The following DDX50 variants were observed in gnomAD, a reference collection of about 807,000 sequenced individuals.
DDX50 encodes DExD-box helicase 50, also known as ATP-dependent RNA helicase DDX50.
A neutral mutation model predicts 94.8 loss-of-function variants in DDX50; 56 were observed. The observed-to-expected ratio is 0.59, with a 90% CI of 0.48 to 0.74. The LOEUF is 0.74. Ranked by LOEUF, DDX50 falls within the 30% of genes least tolerant of loss-of-function variation. The pLI is 0.00. For missense variants in DDX50, 713 were observed against 881.2 expected, an observed-to-expected ratio of 0.81 and a Z score of 2.42; for synonymous variants, 264 against 295.4, an observed-to-expected ratio of 0.89 and a Z score of 1.09.
intron 8 of DDX50, among the ~76,000 whole-genome samples, chr10:68,931,009 G>T (rs1056387934): frequency 3.3e-5 from 5 of 152,092 alleles, no homozygotes; most frequent in African/African-American, 1.2e-4. Flanking sequence ...TCAGATCTCA[G>T]TCCAAAGCAT....
chr10:68,911,225 TA>T lies in DDX50; in HGVS notation c.625del (p.Ser209AlafsTer19). 1 of 1,598,178 alleles carries T rather than the reference TA, an allele frequency of 6.3e-7. No homozygotes were observed. Among genetic ancestry groups the T allele is most frequent in the Non-Finnish European group, 8.5e-7 (1 of 1,175,430 alleles). On this transcript the variant is annotated frameshift_variant, in exon 4 of 15. Coordinates refer to ENST00000373585, the MANE Select transcript of DDX50 (RefSeq NM_024045.2). LOFTEE classifies it high-confidence loss of function. The stretch of plus-strand genomic sequence containing the variant: ...GACTCCAAAGAAATCAAGAAACAAT[TA>T]AAAAAAGCCGCTCACCAAAGGTAAT... ...ERLQRNQETI[K>X]KSRSPKVLVL...
chr10:68,928,129 A>G (rs1264804885), intron 8 of DDX50, among the ~76,000 whole-genome samples: 1 of 152,176 alleles, frequency 6.6e-6, no homozygotes, highest in Non-Finnish European at 1.5e-5. Flanking sequence ...CAGCATGGAA[A>G]CATAGCAAGA....
At chr10:68,910,272 A>C in intron 2 of DDX50, 35 bp from the exon 3 acceptor site, 2 of 1,496,324 alleles carry the variant, frequency 1.3e-6, no homozygotes, top group South Asian at 1.2e-5. Context: ...AGAGTTGAGT[A>C]TAAATTATTT....
chr10:68,924,580 T>C (rs1324854571), intron 8 of DDX50, among the ~76,000 whole-genome samples: 1 of 152,224 alleles, frequency 6.6e-6, no homozygotes. Context: ...AGAATACTTC[T>C]GGCGTCACAG....
chr10:68,911,208 A>G lies in DDX50; in HGVS notation c.601A>G (p.Arg201Gly). The change falls in exon 4 of 15, where the codon AGA becomes GGA. Residue 201 changes from arginine (R) to glycine (G), a missense_variant. Physicochemically the swap from Arg to Gly is moderately radical, Grantham distance 125. Coordinates refer to ENST00000373585, the MANE Select transcript of DDX50 (RefSeq NM_024045.2). The stretch of plus-strand genomic sequence containing the variant: ...CATCCCCTTAATTGAAAGACTCCAA[A>G]GAAATCAAGAAACAATTAAAAAAAG... Reference protein sequence around the residue: ...FAIPLIERLQRNQETIKKSRS... With the variant: ...FAIPLIERLQGNQETIKKSRS... 6.2e-7 allele frequency: 1 copy of G among 1,605,716 alleles called. No homozygotes were observed. The highest frequency in any genetic ancestry group is 8.5e-7 in the Non-Finnish European group (1 of 1,177,796).
At position 68,915,432 on chromosome 10, in the gene DDX50, A is replaced by G. The variant is rs563166452; in HGVS notation, c.1089+1228A>G. Among the ~76,000 whole-genome samples, 4 of 144,088 alleles carry G rather than the reference A, an allele frequency of 2.8e-5. No individual in the cohort carries two copies. The South Asian group carries it at 8.7e-4, about 31-fold the overall frequency. The allele number at this position is 144,088 out of a possible 152,430, so 94.5% of individuals were successfully genotyped here. On this transcript the variant is annotated intron_variant, in intron 7 of 14. Coordinates refer to ENST00000373585, the MANE Select transcript of DDX50 (RefSeq NM_024045.2). The stretch of plus-strand genomic sequence containing the variant: ...TGTCTCAAAAAAAAATAAAAGAAAA[A>G]AAAGGCTGGGTGCGGTGGCTCACGC...
chr10:68,920,497 C>G (rs1841912615), intron 8 of DDX50, among the ~76,000 whole-genome samples: 1 of 151,808 alleles, frequency 6.6e-6, no homozygotes, highest in Non-Finnish European at 1.5e-5. Flanking sequence ...TTTTTTAAGA[C>G]TTTGAAAATG....
chr10:68,923,143 G>A (rs903663210), intron 8 of DDX50, among the ~76,000 whole-genome samples: 2 of 142,166 alleles, frequency 1.4e-5, no homozygotes, highest in African/African-American at 2.6e-5. Flanking sequence ...TTCTGTTTGT[G>A]TGTGTGTATA....
chr10:68,926,329 T>C (rs184919580), intron 8 of DDX50, among the ~76,000 whole-genome samples: 30 of 151,532 alleles, frequency 2.0e-4, no homozygotes, highest in African/African-American at 7.3e-4. Context: ...AAGCTGTTTT[T>C]TAATCTTGAA....
At chr10:68,929,921 C>T (rs1407665810) in intron 8 of DDX50, among the ~76,000 whole-genome samples, 6 of 150,514 alleles carry the variant, frequency 4.0e-5, no homozygotes, top group African/African-American at 7.3e-5. Context: ...TTAGTGGAGA[C>T]GGGGTTTTGC....
At chr10:68,902,668 CTG>C (rs1423289860) in intron 1 of DDX50, among the ~76,000 whole-genome samples, 5 of 152,156 alleles carry the variant, frequency 3.3e-5, no homozygotes, top group Non-Finnish European at 7.4e-5. Flanking sequence ...TACTTTCGCT[CTG>C]TGAATTTGAC....
At chr10:68,905,411 C>A in intron 1 of DDX50, among the ~76,000 whole-genome samples, 1 of 150,180 alleles carries the variant, frequency 6.7e-6, no homozygotes, top group East Asian at 1.9e-4. Flanking sequence ...AATTGGACTT[C>A]TATATGAATT....
Position 68,941,122 on chromosome 10 carries a change from A to G in DDX50, c.1818A>G (p.Lys606=). ...EEIQDVSCAW[K]ELNRKLSSNA... is the part of the protein sequence containing the mutation. ...TACAGGATGTCAGCTGTGCTTGGAA[A>G]GAACTTAACAGAAAGCTGAGTAGTA... The change falls in exon 13 of 15, where the codon AAA becomes AAG. Residue 606 remains lysine (K), a synonymous_variant. Coordinates refer to ENST00000373585, the MANE Select transcript of DDX50 (RefSeq NM_024045.2). The G allele has an allele frequency of 1.2e-6, 2 of 1,613,088 alleles. No homozygotes were observed. Among genetic ancestry groups the G allele is most frequent in the Non-Finnish European group, 1.7e-6 (2 of 1,179,940 alleles).
chr10:68,938,895 A>G (rs1490955895), intron 12 of DDX50, among the ~76,000 whole-genome samples: 2 of 152,006 alleles, frequency 1.3e-5, no homozygotes, highest in Non-Finnish European at 2.9e-5. Flanking sequence ...TTTTTCTGAT[A>G]TTGATTTGGT....
At chr10:68,917,583 G>C (rs1442605414) in intron 7 of DDX50, among the ~76,000 whole-genome samples, 1 of 152,026 alleles carries the variant, frequency 6.6e-6, no homozygotes, top group Non-Finnish European at 1.5e-5. Flanking sequence ...GATGTGGTGG[G>C]TTTTCTTGTT....
Position 68,906,848 on chromosome 10 carries a change from A to G in DDX50, c.225A>G (p.Glu75=). Residue 75 remains glutamate, a synonymous_variant, in exon 2 of 15, where the codon GAA becomes GAG. Coordinates refer to ENST00000373585, the MANE Select transcript of DDX50 (RefSeq NM_024045.2). ...KMKEKLNGDT[E]EGFNRLSDEF... ...AAGAGAAGCTAAATGGAGACACTGA[A>G]GAAGGATTTAATAGACTTTCAGATG... 1 of 1,613,836 alleles carries G rather than the reference A, an allele frequency of 6.2e-7. No homozygotes were observed. Among genetic ancestry groups the G allele is most frequent in the African/African-American group, 1.3e-5 (1 of 75,030 alleles).
intron 1 of DDX50, chr10:68,906,469 TATG>T (rs1423517169): frequency 2.5e-6 from 1 of 392,382 alleles, no homozygotes; most frequent in African/African-American, 2.1e-5. Flanking sequence ...CCTTAAATCT[TATG>T]ATGGGATTAG....
rs144836509 is a variant in DDX50, at chr10:68,903,725, C to T, written c.87+2254C>T. Among the ~76,000 whole-genome samples the T allele has an allele frequency of 3.9e-4, 59 of 151,622 alleles. 2 individuals are homozygous for T. The East Asian group carries it at 6.4e-3, about 17-fold the overall frequency. ...CTGAGGTAAGAGAATCGTATGAACCCGGGAGGCTGAGGTTGCAGTGAGCTG... is the reference window on the plus strand; with the variant it reads ...CTGAGGTAAGAGAATCGTATGAACCTGGGAGGCTGAGGTTGCAGTGAGCTG... On this transcript the variant is annotated intron_variant, in intron 1 of 14. Transcript: ENST00000373585.
intron 8 of DDX50, among the ~76,000 whole-genome samples, chr10:68,920,913 A>C (rs1400494662): frequency 2.8e-5 from 4 of 143,440 alleles, no homozygotes; most frequent in African/African-American, 1.0e-4. Flanking sequence ...GTGCCACTAC[A>C]CTCCAGCCTG....
Sources: gnomAD v4.1 joint callset for allele counts (sites outside exome capture counted in the v4.1 genomes callset) on GRCh38, gnomAD v4.1.1 for gene constraint, MANE v1.5 for transcripts, NCBI Gene and HGNC (gene_info 2026-07-23, HGNC 2026-07-21) for gene names.